The following ZNF577 variants were observed in gnomAD, a reference collection of about 807,000 sequenced individuals.
ZNF577 encodes the protein zinc finger protein 577.
A neutral mutation model predicts 13.9 loss-of-function variants in ZNF577; 14 were observed. That is an observed-to-expected ratio of 1.00 (90% CI 0.66 to 1.57). The LOEUF (loss-of-function observed/expected upper bound fraction) is 1.57. ZNF577 is among the 40% of genes most tolerant of loss of function. The pLI is 0.00. For missense variants in ZNF577, 555 were observed against 579.2 expected (o/e 0.96, Z 0.43); for synonymous variants, 203 against 202.9 (o/e 1.00, Z 0.00).
rs1266023037 is a variant in ZNF577 at position 51,824,925 on chromosome 19, A to G, written c.*600-13251T>C. On this transcript the variant is annotated intron_variant and NMD_transcript_variant, in intron 9 of 10. Coordinates refer to the ZNF577 transcript ENST00000638827. The surrounding 1 kb of genome is among the most constrained non-coding windows in gnomAD (Gnocchi z 4.7). ...CCACCACCACCACAATCATCAACAT[A>G]AAGGAAGTCTGTACCAAATCTGTAG... The G allele has an allele frequency of 1.2e-6, 1 of 831,416 alleles. No individual in the cohort carries two copies. The highest frequency in any genetic ancestry group is 1.9e-6 in the Non-Finnish European group (1 of 532,552). The allele number at this position is 831,416 out of a possible 1,614,324, so 51.5% of individuals were successfully genotyped here.
intron 8 of ZNF577, among the ~76,000 whole-genome samples, chr19:51,841,770 T>G (rs2084322197): frequency 6.6e-6 from 1 of 152,130 alleles, no homozygotes; most frequent in Admixed American, 6.5e-5. Context: ...AATACAAAAA[T>G]TAGCCAGGCA....
At chr19:51,832,766 C>T (rs112914041) in intron 9 of ZNF577, among the ~76,000 whole-genome samples, 1,984 of 152,120 alleles carry the variant, frequency 0.013, 48 homozygotes, top group African/African-American at 0.044. Context: ...TTTTAATGTC[C>T]AATTACGCCA....
chr19:51,847,223 C>G (rs1435839915), intron 5 of ZNF577, among the ~76,000 whole-genome samples: 1 of 152,128 alleles, frequency 6.6e-6, no homozygotes, highest in Non-Finnish European at 1.5e-5. Context: ...GCTATTCTTT[C>G]GAGTTTTCTA....
intron 9 of ZNF577, among the ~76,000 whole-genome samples, chr19:51,812,768 G>A (rs1346968727): frequency 1.3e-5 from 2 of 152,082 alleles, no homozygotes; most frequent in Non-Finnish European, 2.9e-5. Flanking sequence ...CATTTAATTC[G>A]TCTCTTAGTC....
intron 6 of ZNF577, among the ~76,000 whole-genome samples, chr19:51,844,299 C>T (rs1444153001): frequency 6.6e-6 from 1 of 152,100 alleles, no homozygotes; most frequent in African/African-American, 2.4e-5. Flanking sequence ...ATATCTCCCA[C>T]ATTTCCTTAA....
At chr19:51,855,367 CTGTGTGTGTGTGTGTGTGTG>C (rs55937420) in intron 5 of ZNF577, among the ~76,000 whole-genome samples, 1 of 143,460 alleles carries the variant, frequency 7.0e-6, no homozygotes, top group South Asian at 2.3e-4. Context: ...GCTGAGGGTG[CTGTGTGTGTGTGTGTGTGTG>C]TGTGTGTGTG....
At chr19:51,848,781 C>A (rs1040840313) in intron 5 of ZNF577, among the ~76,000 whole-genome samples, 8 of 148,954 alleles carry the variant, frequency 5.4e-5, no homozygotes, top group African/African-American at 2.1e-4. Flanking sequence ...ATAATTATCC[C>A]AACAACATTA....
At chr19:51,816,969 A>G (rs866879982) in intron 9 of ZNF577, among the ~76,000 whole-genome samples, 36 of 152,132 alleles carry the variant, frequency 2.4e-4, no homozygotes, top group African/African-American at 7.5e-4. Flanking sequence ...TCACCTTGGT[A>G]ATTTTTTGTT....
At chr19:51,855,916 C>T (rs1056294) in intron 5 of ZNF577, 57,415 of 151,970 alleles carry the variant, frequency 0.38, 11,979 homozygotes, top group African/African-American at 0.55. Context: ...GGCTGATGGT[C>T]TTCATGGCTA....
intron 3 of ZNF577, chr19:51,878,830 A>G (rs528241510): frequency 4.3e-6 from 1 of 232,214 alleles, no homozygotes; most frequent in East Asian, 8.7e-5. Context: ...ATGCTATAAT[A>G]TACTGCAAAA....
chr19:51,864,095 G>A (rs566932744), downstream of ZNF577, among the ~76,000 whole-genome samples: 22 of 152,292 alleles, frequency 1.4e-4, no homozygotes, highest in African/African-American at 4.6e-4. Context: ...CTGTGTGTAT[G>A]TTTATCAGTA....
chr19:51,863,004 A>G (rs1236773833), downstream of ZNF577: 1 of 152,232 alleles, frequency 6.6e-6, no homozygotes, highest in African/African-American at 2.4e-5. Flanking sequence ...TCCCTTCTCT[A>G]TGATGAGTTT....
At chr19:51,850,078 A>G (rs186650271) in intron 5 of ZNF577, among the ~76,000 whole-genome samples, 192 of 152,362 alleles carry the variant, frequency 1.3e-3, no homozygotes, top group Middle Eastern at 3.4e-3. Context: ...TAAAATGGAC[A>G]GAAGGAGGGA....
chr19:51,836,385 C>T (rs567140354), intron 9 of ZNF577, among the ~76,000 whole-genome samples: 14 of 152,238 alleles, frequency 9.2e-5, no homozygotes, highest in Admixed American at 6.5e-5. Context: ...ATGTTTTACA[C>T]TTTTTGAAAT....
intron 9 of ZNF577, among the ~76,000 whole-genome samples, chr19:51,839,141 T>C (rs1044859097): frequency 6.6e-6 from 1 of 152,126 alleles, no homozygotes; most frequent in African/African-American, 2.4e-5. Flanking sequence ...CTTACAGCAT[T>C]TCAATACCTT....
At position 51,873,430 on chromosome 19, in the gene ZNF577, C is replaced by A. The variant is rs199990461; in HGVS notation, c.560G>T (p.Gly187Val). The stretch of plus-strand genomic sequence containing the variant: ...GAATGTTTTCCCACATTCACCACAT[C>A]CATGGGGTTTCTCTCCTCTTTCAGT... ...QRTERGEKPH[G>V]CGECGKTFMR... Residue 187 changes from glycine to valine, a missense_variant, in exon 6 of 6, where the codon GGA (glycine) becomes GTA (valine). Coordinates refer to ENST00000638348, the MANE Select transcript of ZNF577 (RefSeq NM_001370449.1). The A allele has an allele frequency of 2.9e-4, 463 of 1,614,050 alleles. 1 individual carries two copies. Among genetic ancestry groups the A allele is most frequent in the Admixed American group, 6.3e-4 (38 of 60,004 alleles).
At position 51,867,702 on chromosome 19, in the gene ZNF577, T is replaced by C. The variant is rs1191487226; in HGVS notation, c.*4830A>G. ...CAGGAAGCTGAGGCAGGACAATCAC[T>C]TGAAACCGGAAGGTGGAGGTTGCAG... On this transcript the variant is annotated 3_prime_UTR_variant, in exon 6 of 6. Coordinates refer to ENST00000638348, the MANE Select transcript of ZNF577 (RefSeq NM_001370449.1). Among the ~76,000 whole-genome samples, 1 of 151,872 alleles carries C rather than the reference T, an allele frequency of 6.6e-6. No homozygotes were observed. The highest frequency in any genetic ancestry group is 2.4e-5 in the African/African-American group (1 of 41,336).
intron 1 of ZNF577, among the ~76,000 whole-genome samples, chr19:51,883,367 C>T (rs565890897): frequency 6.6e-5 from 10 of 152,102 alleles, no homozygotes; most frequent in African/African-American, 2.4e-4. Flanking sequence ...TCAAGCAATC[C>T]TCCCACCTCA....
At chr19:51,817,516 G>GTT (rs374226180) in intron 9 of ZNF577, among the ~76,000 whole-genome samples, 30 of 145,562 alleles carry the variant, frequency 2.1e-4, no homozygotes, top group Non-Finnish European at 3.0e-4. Context: ...AATCTGTTTT[G>GTT]TTTTTTTTTT....
Sources: allele counts gnomAD v4.1 joint callset (sites outside exome capture counted in the v4.1 genomes callset), GRCh38; gene constraint gnomAD v4.1.1; non-coding constraint Gnocchi (gnomAD v3.1); transcripts MANE v1.5; gene names NCBI Gene and HGNC (gene_info 2026-07-23, HGNC 2026-07-21).